SORCS2: variants seen among roughly 807,000 people sequenced by gnomAD.
The protein encoded by SORCS2 is VPS10 domain-containing receptor SorCS2.
In SORCS2, 100 loss-of-function variants were observed where a neutral mutation model predicts 141.6. The ratio of observed to expected loss-of-function variants is 0.71; its 90% CI spans 0.60 to 0.83. The LOEUF (loss-of-function observed/expected upper bound fraction) is 0.83. Ranked by LOEUF, SORCS2 falls within the 40% of genes least tolerant of loss-of-function variation. The probability of loss-of-function intolerance (pLI) is 0.00; values close to 1 mark genes in which losing one functional copy is unlikely to be tolerated. For missense variants in SORCS2, 1,646 were observed against 1,560.2 expected, an observed-to-expected ratio of 1.05 and a Z score of -0.93; for synonymous variants, 789 against 676.9, an observed-to-expected ratio of 1.17 and a Z score of -2.57.
chr4:7,456,480 G>GC (rs1553866877), intron 2 of SORCS2, among the ~76,000 whole-genome samples: 10 of 138,674 alleles, frequency 7.2e-5, no homozygotes, highest in African/African-American at 3.3e-4. Context: ...AAGGGTGAGA[G>GC]GGGGGGGGCC....
chr4:7,622,517 G>GTCCTGCT (rs1560433644), intron 3 of SORCS2, among the ~76,000 whole-genome samples: 1 of 152,196 alleles, frequency 6.6e-6, no homozygotes, highest in African/African-American at 2.4e-5. Context: ...CTGCTGCTGC[G>GTCCTGCT]TCCTGCTTCC....
At chr4:7,724,150 G>GGTGGTGGTGGTGATGGTGGTGATA (rs1726826317) in intron 19 of SORCS2, among the ~76,000 whole-genome samples, 13 of 135,394 alleles carry the variant, frequency 9.6e-5, no homozygotes, top group African/African-American at 2.3e-4. Context: ...TGATGGTCGT[G>GGTGGTGGTGGTGATGGTGGTGATA]GTGGTGGTGG....
At chr4:7,437,177 T>C (rs1727361566) in intron 2 of SORCS2, among the ~76,000 whole-genome samples, 1 of 152,114 alleles carries the variant, frequency 6.6e-6, no homozygotes, top group Non-Finnish European at 1.5e-5. Flanking sequence ...AGGTCCGAGG[T>C]TGGCACCTGT....
At chr4:7,297,540 C>T (rs1241445001) in intron 1 of SORCS2, among the ~76,000 whole-genome samples, 2 of 152,202 alleles carry the variant, frequency 1.3e-5, no homozygotes, top group Non-Finnish European at 2.9e-5. Flanking sequence ...CCTGCTGAGT[C>T]TCCCTGGGTG....
At chr4:7,671,779 G>A (rs1007991337) in intron 8 of SORCS2, among the ~76,000 whole-genome samples, 5 of 152,028 alleles carry the variant, frequency 3.3e-5, no homozygotes, top group Admixed American at 6.6e-5. Context: ...AGAGATAAAG[G>A]CAGAGAGACT....
chr4:7,360,765 T>A (rs1295521875), intron 1 of SORCS2, among the ~76,000 whole-genome samples: 2 of 151,404 alleles, frequency 1.3e-5, no homozygotes, highest in East Asian at 1.9e-4. Context: ...GTATTTTTTT[T>A]ATAGAGACGG....
chr4:7,429,931 A>G (rs1726716352), intron 2 of SORCS2, among the ~76,000 whole-genome samples: 2 of 152,198 alleles, frequency 1.3e-5, no homozygotes, highest in South Asian at 4.1e-4. Context: ...CCATGAGGGA[A>G]GCCAGCCCAG....
chr4:7,388,411 A>G (rs4689717), intron 1 of SORCS2, among the ~76,000 whole-genome samples: 145,828 of 152,278 alleles, frequency 0.96, 69,904 homozygotes, highest in East Asian at 1. Context: ...GGGGAAATGG[A>G]GGCTTTGAAA....
intron 4 of SORCS2, among the ~76,000 whole-genome samples, chr4:7,653,738 T>G (rs1350579268): frequency 6.6e-6 from 1 of 152,180 alleles, no homozygotes; most frequent in Admixed American, 6.5e-5. Context: ...TCGAGGCCAC[T>G]GCTGTGTCCT....
chr4:7,687,183 G>T (rs989467573), intron 10 of SORCS2, among the ~76,000 whole-genome samples: 4 of 152,208 alleles, frequency 2.6e-5, no homozygotes, highest in Non-Finnish European at 4.4e-5. Flanking sequence ...GGCAGAGCCA[G>T]GGCGTCCTCT....
intron 5 of SORCS2, among the ~76,000 whole-genome samples, chr4:7,661,010 T>C (rs994579602): frequency 6.6e-6 from 1 of 152,190 alleles, no homozygotes; most frequent in Non-Finnish European, 1.5e-5. Flanking sequence ...ACTGTATGGC[T>C]CTGGGAGAGT....
intron 3 of SORCS2, among the ~76,000 whole-genome samples, chr4:7,540,171 C>CCTGCCT (rs1347580112): frequency 9.3e-4 from 3 of 3,212 alleles, no homozygotes; most frequent in African/African-American, 1.1e-3. Context: ...TCTCCCTGCC[C>CCTGCCT]CTCCCTGCCC....
intron 12 of SORCS2, among the ~76,000 whole-genome samples, chr4:7,698,516 C>T (rs1449960352): frequency 6.6e-6 from 1 of 152,242 alleles, no homozygotes; most frequent in Non-Finnish European, 1.5e-5. Flanking sequence ...TTAAAGGTCA[C>T]ATCTGTCCAT....
intron 1 of SORCS2, among the ~76,000 whole-genome samples, chr4:7,218,455 A>C (rs572927615): frequency 6.6e-6 from 1 of 152,320 alleles, no homozygotes; most frequent in African/African-American, 2.4e-5. Context: ...TCTTGGGTTT[A>C]ACTTTTCATA....
intron 2 of SORCS2, among the ~76,000 whole-genome samples, chr4:7,448,060 C>T (rs1728114151): frequency 6.6e-6 from 1 of 152,150 alleles, no homozygotes; most frequent in East Asian, 1.9e-4. Flanking sequence ...TCTTCTTCAC[C>T]CTGTGTTACG....
chr4:7,728,759 C>T (rs892470652), intron 22 of SORCS2, among the ~76,000 whole-genome samples: 3 of 152,248 alleles, frequency 2.0e-5, no homozygotes, highest in African/African-American at 7.2e-5. Flanking sequence ...CCACTGTCGT[C>T]CTCCAGTGCT....
At chr4:7,215,215 C>T (rs1364660088) in intron 1 of SORCS2, among the ~76,000 whole-genome samples, 4 of 152,184 alleles carry the variant, frequency 2.6e-5, no homozygotes, top group African/African-American at 4.8e-5. Context: ...GAGGGCCCTG[C>T]ATTCCGAGCA....
intron 1 of SORCS2, among the ~76,000 whole-genome samples, chr4:7,199,018 G>A (rs976137468): frequency 1.3e-5 from 2 of 152,126 alleles, no homozygotes; most frequent in African/African-American, 2.4e-5. Flanking sequence ...CAAAGCAGCC[G>A]GCAGGCCTTG....
chr4:7,289,943 G>A (rs1159931266), intron 1 of SORCS2, among the ~76,000 whole-genome samples: 1 of 152,208 alleles, frequency 6.6e-6, no homozygotes, highest in Non-Finnish European at 1.5e-5. Context: ...CAGGGGACAA[G>A]GACAAGAGTC....
Sources: allele counts gnomAD v4.1 joint callset (sites outside exome capture counted in the v4.1 genomes callset), GRCh38; gene constraint gnomAD v4.1.1; transcripts MANE v1.5; gene names NCBI Gene and HGNC (gene_info 2026-07-23, HGNC 2026-07-21).